The following CD2AP variants were observed in gnomAD, a reference collection of about 807,000 sequenced individuals.
The protein encoded by CD2AP is CD2 associated protein.
A neutral mutation model predicts 85.1 loss-of-function variants in CD2AP; 46 were observed. The observed-to-expected ratio is 0.54, with a 90% confidence interval of 0.43 to 0.69. The LOEUF is 0.69. CD2AP is among the 30% of genes least tolerant of loss of function. CD2AP has a pLI of 0.00. For missense variants in CD2AP, 769 were observed against 729.5 expected (o/e 1.05, Z -0.62); for synonymous variants, 255 against 252.9 (o/e 1.01, Z -0.08).
chr6:47,595,251 A>G (rs1417508050), intron 11 of CD2AP, among the ~76,000 whole-genome samples: 1 of 152,014 alleles, frequency 6.6e-6, no homozygotes, highest in South Asian at 2.1e-4. Flanking sequence ...TCTACTTCAA[A>G]TGGAAATACC....
chr6:47,607,691 A>C (rs1451572777), intron 14 of CD2AP, among the ~76,000 whole-genome samples: 1 of 152,106 alleles, frequency 6.6e-6, no homozygotes, highest in Admixed American at 6.6e-5. Context: ...TAGTACTTTT[A>C]AAATTACCTA....
At chr6:47,580,429 G>T (rs571306279) in intron 9 of CD2AP, among the ~76,000 whole-genome samples, 93 of 149,792 alleles carry the variant, frequency 6.2e-4, no homozygotes, top group African/African-American at 2.3e-3. Flanking sequence ...AAGTCTATTT[G>T]TTGCTACTCT....
intron 2 of CD2AP, among the ~76,000 whole-genome samples, chr6:47,507,341 C>T (rs1360884071): frequency 1.3e-5 from 2 of 152,202 alleles, no homozygotes; most frequent in Non-Finnish European, 2.9e-5. Context: ...TAGCTCCTCT[C>T]ATGAATCACA....
chr6:47,602,912 A>C (rs140462829), intron 13 of CD2AP, among the ~76,000 whole-genome samples: 112 of 152,194 alleles, frequency 7.4e-4, no homozygotes, highest in Non-Finnish European at 1.4e-3. Context: ...AAATAAACAA[A>C]AAAAAAGCAA....
At chr6:47,560,413 C>A (rs1274647347) in intron 5 of CD2AP, among the ~76,000 whole-genome samples, 1 of 151,888 alleles carries the variant, frequency 6.6e-6, no homozygotes, top group Non-Finnish European at 1.5e-5. Flanking sequence ...TCCTCCCAGT[C>A]CTGAAAAGGA....
At chr6:47,562,811 T>G (rs2114077424) in intron 5 of CD2AP, 1 of 1,157,598 alleles carries the variant, frequency 8.6e-7, no homozygotes, top group East Asian at 2.3e-5. Context: ...TATGTCAAGT[T>G]GGTGGAGGCC....
At chr6:47,519,210 T>G (rs1766524683) in intron 2 of CD2AP, among the ~76,000 whole-genome samples, 1 of 152,136 alleles carries the variant, frequency 6.6e-6, no homozygotes, top group South Asian at 2.1e-4. Flanking sequence ...ACAAAAATGC[T>G]TGGGGAGGTG....
chr6:47,497,791 C>T (rs1372567081), intron 1 of CD2AP, among the ~76,000 whole-genome samples: 4 of 152,190 alleles, frequency 2.6e-5, no homozygotes, highest in Non-Finnish European at 5.9e-5. Context: ...TTGTCCTTAA[C>T]TGACTTTCTT....
At chr6:47,589,414 A>G (rs1768717047) in intron 11 of CD2AP, among the ~76,000 whole-genome samples, 2 of 151,634 alleles carry the variant, frequency 1.3e-5, no homozygotes, top group Non-Finnish European at 2.9e-5. Flanking sequence ...ACACACACAT[A>G]TATATACACA....
chr6:47,570,819 T>C (rs1768128019), intron 5 of CD2AP, among the ~76,000 whole-genome samples: 1 of 152,182 alleles, frequency 6.6e-6, no homozygotes, highest in Admixed American at 6.5e-5. Flanking sequence ...CTAGAGTTCA[T>C]ATACTTTACC....
rs1027908950 is a variant in CD2AP at position 47,625,987 on chromosome 6, TCTTA to T, written c.*1764_*1767del. 7.4e-4 allele frequency: 112 copies of T among 152,016 alleles called. No homozygotes were observed. The highest frequency in any genetic ancestry group is 2.5e-3 in the African/African-American group (104 of 41,544). 9.4% of individuals were successfully genotyped at this position (152,016 alleles called of 1,614,324 possible). On this transcript the variant is annotated 3_prime_UTR_variant, in exon 18 of 18. Coordinates refer to ENST00000359314, the MANE Select transcript of CD2AP (RefSeq NM_012120.3). ...TTTTCTTCTTGTTAAATAAATTAAA[TCTTA>T]CTTTCTTTTAATGACCAACCTTAGG...
At chr6:47,560,007 C>T (rs985535185) in intron 5 of CD2AP, among the ~76,000 whole-genome samples, 2 of 151,948 alleles carry the variant, frequency 1.3e-5, no homozygotes. Flanking sequence ...CTTTTGGATC[C>T]CATTCCTCTA....
At chr6:47,527,008 A>G (rs1242790827) in intron 2 of CD2AP, among the ~76,000 whole-genome samples, 1 of 152,202 alleles carries the variant, frequency 6.6e-6, no homozygotes, top group Admixed American at 6.5e-5. Flanking sequence ...GTGCATTACC[A>G]ATAAAAACAG....
intron 9 of CD2AP, 72 bp from the exon 10 acceptor site, chr6:47,580,792 C>A: frequency 1.0e-6 from 1 of 973,428 alleles, no homozygotes; most frequent in Non-Finnish European, 1.6e-6. Context: ...TAGATTATTA[C>A]TAATTAGAGT....
At chr6:47,585,733 A>G (rs1289627013) in intron 11 of CD2AP, among the ~76,000 whole-genome samples, 1 of 140,582 alleles carries the variant, frequency 7.1e-6, no homozygotes, top group Admixed American at 7.0e-5. Flanking sequence ...CATGCATGAA[A>G]AGAAATTTCC....
At chr6:47,519,585 G>A (rs1473731829) in intron 2 of CD2AP, among the ~76,000 whole-genome samples, 2 of 152,176 alleles carry the variant, frequency 1.3e-5, no homozygotes, top group East Asian at 3.9e-4. Flanking sequence ...TCAAAGCAGG[G>A]AACTTACCTG....
intron 2 of CD2AP, among the ~76,000 whole-genome samples, chr6:47,526,469 A>C (rs1440437011): frequency 6.6e-6 from 1 of 152,144 alleles, no homozygotes; most frequent in African/African-American, 2.4e-5. Context: ...AGATTTTTTA[A>C]GTTGCTTTCC....
intron 2 of CD2AP, among the ~76,000 whole-genome samples, chr6:47,511,974 C>A (rs1302800658): frequency 6.6e-6 from 1 of 151,884 alleles, no homozygotes; most frequent in Admixed American, 6.6e-5. Flanking sequence ...CTGGCTAACA[C>A]GGAGAAACCC....
At chr6:47,576,692 T>C in intron 7 of CD2AP, 90 bp downstream of exon 7, 1 of 988,204 alleles carries the variant, frequency 1.0e-6, no homozygotes, top group Non-Finnish European at 1.6e-6. Context: ...TGTTACACTG[T>C]CTTATTAGAA....
Sources: gnomAD v4.1 joint callset for allele counts (sites outside exome capture counted in the v4.1 genomes callset) on GRCh38, gnomAD v4.1.1 for gene constraint, MANE v1.5 for transcripts, NCBI Gene and HGNC (gene_info 2026-07-23, HGNC 2026-07-21) for gene names.